FGF13: variants seen among roughly 807,000 people sequenced by gnomAD.
The protein encoded by FGF13 is fibroblast growth factor 13.
In FGF13, 2 loss-of-function variants were observed where a neutral mutation model predicts 19.5. That is an observed-to-expected ratio of 0.10 (90% CI 0.04 to 0.32). FGF13 has a LOEUF of 0.32. FGF13 is among the 10% of genes least tolerant of loss of function. The pLI is 1.00. For synonymous variants in FGF13, 72 were observed against 76.9 expected (o/e 0.94, Z 0.33); for missense variants, 113 against 192.7 (o/e 0.59, Z 2.45).
At position 138,647,749 on chromosome X, in the gene FGF13, T is replaced by C. The variant is rs778684610; in HGVS notation, c.403-12094A>G. Reference sequence around the variant, plus strand: ...AATATTTGTTACCTAAGTATCACTGTAGCTGAAAACACAACACAGTAATAT... The same window carrying C: ...AATATTTGTTACCTAAGTATCACTGCAGCTGAAAACACAACACAGTAATAT... On this transcript the variant is annotated intron_variant, in intron 3 of 4. Coordinates refer to ENST00000315930, the MANE Select transcript of FGF13 (RefSeq NM_004114.5). Among the ~76,000 whole-genome samples, 3 of 112,520 alleles carry C rather than the reference T, an allele frequency of 2.7e-5. No individual in the cohort carries two copies. In the East Asian group the frequency reaches 8.3e-4, roughly 31 times the overall value.
chrX:138,777,955 T>G (rs1354674382), intron 3 of FGF13, among the ~76,000 whole-genome samples: 1 of 111,473 alleles, frequency 9.0e-6, no homozygotes, highest in Non-Finnish European at 1.9e-5. Context: ...TGAGATGACT[T>G]AGATGTTAGC....
chrX:138,932,612 CACA>C (rs1173576694), intron 1 of FGF13, among the ~76,000 whole-genome samples: 2 of 109,787 alleles, frequency 1.8e-5, no homozygotes, highest in Non-Finnish European at 3.8e-5. Flanking sequence ...CCGTCTCAAC[CACA>C]ACGACAAAAA....
chrX:138,892,945 G>A lies in FGF13; in HGVS notation c.-112-28295C>T, dbSNP rs190479539. On this transcript the variant is annotated intron_variant, in intron 1 of 2. Coordinates refer to the FGF13 transcript ENST00000421460. ...GACCCAGGAATACATAGATACAAGT[G>A]GGGAGGAAGCAAAGGGGGGTGGGCA... 7.5e-5 allele frequency among the ~76,000 whole-genome samples: 8 copies of A among 106,139 alleles called. No homozygotes were observed. In the East Asian group the frequency reaches 2.4e-3, roughly 31 times the overall value. 92.2% of individuals were successfully genotyped at this position (106,139 alleles called of 115,157 possible).
Position 139,023,620 on chromosome X carries a change from T to G in FGF13, c.-112-158970A>C, listed in dbSNP as rs73569777. On this transcript the variant is annotated intron_variant, in intron 1 of 2. Coordinates refer to the FGF13 transcript ENST00000421460. ...AGTTCATACCAGGGTGATTCATAAT[T>G]CTACAAAGGTGAAAATAACCCAGAT... Among the ~76,000 whole-genome samples the G allele has an allele frequency of 8.8e-3, 986 of 111,534 alleles. 9 individuals are homozygous for G. The highest frequency in any genetic ancestry group is 0.03 in the African/African-American group (917 of 30,782).
At chrX:138,991,659 C>T (rs1228229362) in intron 1 of FGF13, among the ~76,000 whole-genome samples, 1 of 112,142 alleles carries the variant, frequency 8.9e-6, no homozygotes, top group African/African-American at 3.2e-5. Flanking sequence ...GGCATTTTGA[C>T]ACTCCCTGAA....
intron 1 of FGF13, among the ~76,000 whole-genome samples, chrX:139,066,878 C>A (rs1363736531): frequency 9.0e-6 from 1 of 110,890 alleles, no homozygotes; most frequent in Non-Finnish European, 1.9e-5. Flanking sequence ...TGCGAAAATC[C>A]TCAATAAAAT....
At chrX:138,907,189 C>G (rs933188980) in intron 1 of FGF13, among the ~76,000 whole-genome samples, 1 of 111,581 alleles carries the variant, frequency 9.0e-6, no homozygotes, top group Non-Finnish European at 1.9e-5. Flanking sequence ...CTTAGCTCAG[C>G]TTAACTAAGG....
intron 1 of FGF13, among the ~76,000 whole-genome samples, chrX:139,149,612 C>A (rs2083916863): frequency 8.9e-6 from 1 of 112,106 alleles, no homozygotes; most frequent in African/African-American, 3.2e-5. Context: ...CTTGATAACA[C>A]TGTTGGATAG....
chrX:139,155,355 A>T (rs2083969104), intron 1 of FGF13, among the ~76,000 whole-genome samples: 1 of 111,941 alleles, frequency 8.9e-6, no homozygotes, highest in South Asian at 3.8e-4. Flanking sequence ...TACATGCAAT[A>T]ACATGAGACC....
At chrX:138,653,854 G>C (rs191924613) in intron 3 of FGF13, among the ~76,000 whole-genome samples, 34 of 112,051 alleles carry the variant, frequency 3.0e-4, no homozygotes, top group African/African-American at 9.1e-4. Context: ...GCAATCAACT[G>C]TCTTGGCTTG....
At chrX:138,781,538 C>A (rs1356549246) in intron 3 of FGF13, among the ~76,000 whole-genome samples, 2 of 109,850 alleles carry the variant, frequency 1.8e-5, no homozygotes, top group Non-Finnish European at 3.8e-5. Flanking sequence ...ACTACAAACA[C>A]CTCTACGCAA....
intron 3 of FGF13, among the ~76,000 whole-genome samples, chrX:138,700,648 G>A (rs1048758438): frequency 2.7e-5 from 3 of 111,570 alleles, no homozygotes; most frequent in Non-Finnish European, 5.7e-5. Flanking sequence ...TAATTCTAAA[G>A]AGGATTCTGA....
chrX:139,128,867 T>C (rs2083738190), intron 1 of FGF13, among the ~76,000 whole-genome samples: 1 of 111,229 alleles, frequency 9.0e-6, no homozygotes, highest in Non-Finnish European at 1.9e-5. Context: ...AAATATTAGT[T>C]ATAATAATGA....
intron 1 of FGF13, among the ~76,000 whole-genome samples, chrX:138,710,486 G>A (rs1207535448): frequency 1.8e-5 from 2 of 111,529 alleles, no homozygotes; most frequent in South Asian, 3.8e-4. Flanking sequence ...CAATTTCCAC[G>A]CCATACATAT....
intron 3 of FGF13, among the ~76,000 whole-genome samples, chrX:138,763,136 C>A (rs904427600): frequency 7.3e-5 from 8 of 110,238 alleles, no homozygotes; most frequent in Non-Finnish European, 1.9e-5. Context: ...ATCATATACA[C>A]CAAGATAATA....
At chrX:139,037,772 A>G (rs947182918) in intron 1 of FGF13, among the ~76,000 whole-genome samples, 2 of 112,502 alleles carry the variant, frequency 1.8e-5, no homozygotes, top group African/African-American at 6.4e-5. Context: ...TCACATTTGC[A>G]AAGTCCATTT....
rs1017069127 is a variant in FGF13, at chrX:138,626,510, T to A, written c.*6340A>T. The A allele has an allele frequency of 2.7e-5, 3 of 112,468 alleles. No individual in the cohort carries two copies. Among genetic ancestry groups the A allele is most frequent in the African/African-American group, 9.7e-5 (3 of 30,943 alleles). The allele number at this position is 112,468 out of a possible 1,213,427, so 9.3% of individuals were successfully genotyped here. A position where few individuals can be genotyped will look rare whatever the true frequency, so the allele number is the denominator to read the frequency against. ...AAAATTTTTCCTCCATTGTATTTTT[T>A]ACATCACAGCATTTATTGCAATCTA... On this transcript the variant is annotated 3_prime_UTR_variant, in exon 5 of 5. Coordinates refer to ENST00000315930, the MANE Select transcript of FGF13 (RefSeq NM_004114.5).
intron 3 of FGF13, among the ~76,000 whole-genome samples, chrX:138,766,995 G>A (rs147110311): frequency 8.9e-6 from 1 of 111,857 alleles, no homozygotes; most frequent in Non-Finnish European, 1.9e-5. Context: ...TTCCAAGGCC[G>A]GGAAAGCTCA....
intron 1 of FGF13, among the ~76,000 whole-genome samples, chrX:139,084,220 A>G (rs2083389721): frequency 9.0e-6 from 1 of 110,749 alleles, no homozygotes; most frequent in Non-Finnish European, 1.9e-5. Flanking sequence ...GGAAGAGGAG[A>G]AGGAGTGGAG....
Sources: allele counts gnomAD v4.1 joint callset (sites outside exome capture counted in the v4.1 genomes callset), GRCh38; gene constraint gnomAD v4.1.1; transcripts MANE v1.5; gene names NCBI Gene and HGNC (gene_info 2026-07-23, HGNC 2026-07-21).